BICC1: variants seen among roughly 807,000 people sequenced by gnomAD.
The protein encoded by BICC1 is BicC family RNA binding protein 1.
A neutral mutation model predicts 111.0 loss-of-function variants in BICC1; 43 were observed. The ratio of observed to expected loss-of-function variants is 0.39; its 90% CI spans 0.30 to 0.50. The LOEUF is 0.50. Among genes scored for constraint, BICC1 ranks in the 20% least tolerant of loss-of-function variants. The pLI is 0.88. For synonymous variants in BICC1, 467 were observed against 434.4 expected (o/e 1.07, Z -0.93); for missense variants, 1,091 against 1,203.2 (o/e 0.91, Z 1.38).
At chr10:58,749,933 G>T (rs976624117) in intron 3 of BICC1, among the ~76,000 whole-genome samples, 1 of 152,158 alleles carries the variant, frequency 6.6e-6, no homozygotes. Flanking sequence ...AAACATGGAT[G>T]CACAGACATA....
chr10:58,701,625 T>C (rs989726564), intron 2 of BICC1, among the ~76,000 whole-genome samples: 2 of 152,090 alleles, frequency 1.3e-5, no homozygotes, highest in Non-Finnish European at 2.9e-5. Context: ...AGTTATTTTT[T>C]CCCCCAGGGA....
intron 3 of BICC1, among the ~76,000 whole-genome samples, chr10:58,718,757 T>C (rs1840830181): frequency 6.7e-6 from 1 of 149,640 alleles, no homozygotes; most frequent in African/African-American, 2.5e-5. Context: ...TGTGTGTGTG[T>C]GTGTGTGTGC....
At chr10:58,625,675 T>C (rs1845967288) in intron 2 of BICC1, among the ~76,000 whole-genome samples, 2 of 152,208 alleles carry the variant, frequency 1.3e-5, no homozygotes, top group African/African-American at 4.8e-5. Flanking sequence ...TTCAAACTCA[T>C]TGTTTTTAGA....
At chr10:58,819,704 T>C (rs1844198958) in intron 19 of BICC1, among the ~76,000 whole-genome samples, 1 of 152,168 alleles carries the variant, frequency 6.6e-6, no homozygotes, top group Non-Finnish European at 1.5e-5. Context: ...CAGCTAGTAA[T>C]GGCAGAGTCA....
intron 1 of BICC1, among the ~76,000 whole-genome samples, chr10:58,597,945 A>G (rs947586077): frequency 2.0e-5 from 3 of 152,092 alleles, no homozygotes; most frequent in Non-Finnish European, 4.4e-5. Flanking sequence ...TTTACAATCA[A>G]TTTGTACAGG....
At chr10:58,814,636 A>C (rs936938323) in intron 18 of BICC1, among the ~76,000 whole-genome samples, 5 of 151,448 alleles carry the variant, frequency 3.3e-5, no homozygotes, top group Admixed American at 3.3e-4. Context: ...AAAAAAAAAA[A>C]AACAAGAGGC....
At chr10:58,653,726 A>G (rs1244499133) in intron 2 of BICC1, among the ~76,000 whole-genome samples, 1 of 150,910 alleles carries the variant, frequency 6.6e-6, no homozygotes, top group Non-Finnish European at 1.5e-5. Flanking sequence ...ACATGTGCAC[A>G]TTGTGCAGTT....
chr10:58,533,964 T>C (rs117870124), intron 1 of BICC1, among the ~76,000 whole-genome samples: 3,018 of 151,798 alleles, frequency 0.02, 83 homozygotes, highest in African/African-American at 0.056. Flanking sequence ...AATTCCCCAG[T>C]CAAAAGACAT....
intron 1 of BICC1, among the ~76,000 whole-genome samples, chr10:58,576,113 A>G (rs1265777246): frequency 6.6e-6 from 1 of 152,154 alleles, no homozygotes; most frequent in Non-Finnish European, 1.5e-5. Context: ...CTAGCCCCTA[A>G]TTAACTGTGT....
intron 1 of BICC1, among the ~76,000 whole-genome samples, chr10:58,605,302 G>C: frequency 6.6e-6 from 1 of 152,054 alleles, no homozygotes; most frequent in Non-Finnish European, 1.5e-5. Context: ...CTGTTCCCTA[G>C]ATGTAGCTGC....
chr10:58,660,435 GT>G (rs1838804742), intron 2 of BICC1, among the ~76,000 whole-genome samples: 2 of 142 alleles, frequency 0.014, no homozygotes, highest in Non-Finnish European at 0.1. Flanking sequence ...TTTTCTTGCT[GT>G]GACTCTTGTT....
chr10:58,531,674 A>T (rs1396072876), intron 1 of BICC1, among the ~76,000 whole-genome samples: 2 of 151,886 alleles, frequency 1.3e-5, no homozygotes, highest in African/African-American at 4.8e-5. Context: ...ATACAATGAA[A>T]CTGTGAATAA....
chr10:58,806,759 A>G (rs1305199817), intron 16 of BICC1, 136 bp downstream of exon 16: 2 of 837,536 alleles, frequency 2.4e-6, no homozygotes, highest in African/African-American at 3.4e-5. Flanking sequence ...AGTTGCATAC[A>G]TTCTGTTGAA....
intron 1 of BICC1, among the ~76,000 whole-genome samples, chr10:58,560,833 C>T (rs1843584000): frequency 6.6e-6 from 1 of 151,998 alleles, no homozygotes; most frequent in Non-Finnish European, 1.5e-5. Flanking sequence ...TGTTCAGGAA[C>T]ATATTTTCAT....
intron 1 of BICC1, among the ~76,000 whole-genome samples, chr10:58,539,779 T>C (rs1842914247): frequency 6.6e-6 from 1 of 151,808 alleles, no homozygotes. Context: ...TATAGACCAA[T>C]TGGACCTAAC....
intron 10 of BICC1, 70 bp from the exon 11 acceptor site, chr10:58,798,329 A>G: frequency 8.6e-7 from 1 of 1,162,476 alleles, no homozygotes; most frequent in Non-Finnish European, 1.2e-6. Flanking sequence ...CCCAATGGCA[A>G]TATTGGTGCC....
intron 2 of BICC1, among the ~76,000 whole-genome samples, chr10:58,633,083 A>G (rs965881748): frequency 2.6e-5 from 4 of 152,188 alleles, no homozygotes; most frequent in African/African-American, 9.7e-5. Context: ...GGTGGAGATA[A>G]CTGAATCATG....
chr10:58,828,184 G>A (rs1032483079), intron 20 of BICC1, among the ~76,000 whole-genome samples: 5 of 152,128 alleles, frequency 3.3e-5, no homozygotes, highest in Middle Eastern at 3.2e-3. Flanking sequence ...GAGGGGTTTG[G>A]TACCTCAACC....
intron 1 of BICC1, among the ~76,000 whole-genome samples, chr10:58,604,990 C>T (rs1845162633): frequency 6.6e-6 from 1 of 152,090 alleles, no homozygotes; most frequent in Non-Finnish European, 1.5e-5. Context: ...GGTGCTAATC[C>T]CATTTTGAGG....
Sources: allele counts gnomAD v4.1 joint callset (sites outside exome capture counted in the v4.1 genomes callset), GRCh38; gene constraint gnomAD v4.1.1; transcripts MANE v1.5; gene names NCBI Gene and HGNC (gene_info 2026-07-23, HGNC 2026-07-21).